Variants in COL9A1 observed in about 807,000 individuals in gnomAD.
COL9A1 encodes collagen alpha-1(IX) chain.
In COL9A1, 104 loss-of-function variants were observed where a neutral mutation model predicts 142.6. The observed-to-expected ratio is 0.73, with a 90% CI of 0.62 to 0.86. The LOEUF is 0.86. COL9A1 is among the 40% of genes least tolerant of loss of function. The pLI is 0.00. For missense variants in COL9A1, 1,210 were observed against 1,176.6 expected (o/e 1.03, Z -0.42); for synonymous variants, 466 against 396.0 (o/e 1.18, Z -2.10).
chr6:70,240,606 A>G (rs988643734), intron 32 of COL9A1, 83 bp downstream of exon 32: 4 of 808,438 alleles, frequency 4.9e-6, no homozygotes, highest in Middle Eastern at 3.6e-4. Flanking sequence ...CCAATTTTGA[A>G]CTGTGTTAGA....
intron 24 of COL9A1, 31 bp from the exon 25 acceptor site, chr6:70,254,560 AC>A (rs762182548): frequency 1.9e-6 from 3 of 1,607,102 alleles, no homozygotes; most frequent in Non-Finnish European, 2.6e-6. Flanking sequence ...ACATGATTGA[AC>A]CTGTATGAGC....
chr6:70,280,589 A>C (rs1773083138), intron 10 of COL9A1: 2 of 1,331,940 alleles, frequency 1.5e-6, no homozygotes, highest in Non-Finnish European at 2.0e-6. Context: ...AGGAGGAGGA[A>C]ATGCCAACGC....
chr6:70,287,839 C>G (rs187285326), intron 5 of COL9A1, among the ~76,000 whole-genome samples: 77 of 152,298 alleles, frequency 5.1e-4, no homozygotes, highest in African/African-American at 1.8e-3. Context: ...TCCTGGTCCT[C>G]TCCTATATTA....
In COL9A1 at chr6:70,279,867, T is replaced by C. The variant is rs1773024374; in HGVS notation, c.975+945A>G. 5 of 469,338 alleles carry C rather than the reference T, an allele frequency of 1.1e-5. No homozygotes were observed. The Admixed American group carries it at 1.3e-4, about 13-fold the overall frequency. The allele number at this position is 469,338 out of a possible 1,614,324, so 29.1% of individuals were successfully genotyped here. A position where few individuals can be genotyped will look rare whatever the true frequency, so the allele number is the denominator to read the frequency against. ...CATAATTATAGGTTTTCGAGTGCTT[T>C]CTTTCATTTAGAAAAGTCTTTAGTT... is the stretch of plus-strand genomic sequence containing the variant. On this transcript the variant is annotated intron_variant, in intron 10 of 37. Transcript: ENST00000357250.
At chr6:70,222,246 G>A (rs1768929401) in intron 37 of COL9A1, among the ~76,000 whole-genome samples, 1 of 152,154 alleles carries the variant, frequency 6.6e-6, no homozygotes. Flanking sequence ...CATATGCCAG[G>A]CACTGTTCCA....
rs535282779 is a variant in COL9A1, at chr6:70,246,897, G to A, written c.1873-4182C>T. Among the ~76,000 whole-genome samples, 18 of 152,220 alleles carry A rather than the reference G, an allele frequency of 1.2e-4. No individual in the cohort carries two copies. In the South Asian group the frequency reaches 3.1e-3, roughly 26 times the overall value. On this transcript the variant is annotated intron_variant, in intron 28 of 37. Transcript: ENST00000357250. ...CGGGCAAGCAGCTTAACCTCTCCGT[G>A]CCTGTTTCCTCATCTATAAAGTGGG...
chr6:70,253,207 G>T, intron 26 of COL9A1, 178 bp downstream of exon 26: 1 of 518,558 alleles, frequency 1.9e-6, no homozygotes, highest in Non-Finnish European at 3.5e-6. Context: ...GTCAAAGTAT[G>T]CTTTCTGTAG....
chr6:70,293,630 TTCACACACA>T (rs1773734759), intron 5 of COL9A1, among the ~76,000 whole-genome samples: 198 of 74,256 alleles, frequency 2.7e-3, no homozygotes, highest in African/African-American at 9.7e-3. Context: ...CTCTCTCTCT[TTCACACACA>T]CACACACACA....
chr6:70,241,602 G>A, intron 30 of COL9A1, 148 bp from the exon 31 acceptor site: 1 of 726,326 alleles, frequency 1.4e-6, no homozygotes, highest in Non-Finnish European at 2.4e-6. Flanking sequence ...ACAAGAATCA[G>A]GACCAAAACA....
rs1769774368 is a variant in COL9A1, at chr6:70,234,567, A to C, written c.2286T>G (p.Ile762Met). ...PPGRAPTDQH[I>M]KQVCMRVIQE... is the part of the protein sequence containing the mutation. ...GTATGACTCTCATGCAAACCTGCTT[A>C]ATGTGCTGATCTGTCGGTGCTCTAC... The change falls in exon 35 of 38, where the codon ATT (isoleucine) becomes ATG (methionine). Residue 762 changes from isoleucine to methionine, a missense_variant. Physicochemically the swap from Ile to Met is conservative, Grantham distance 10 (BLOSUM62 1). Coordinates refer to ENST00000357250, the MANE Select transcript of COL9A1 (RefSeq NM_001851.6). 3 of 1,614,098 alleles carry C rather than the reference A, an allele frequency of 1.9e-6. No individual in the cohort carries two copies. In the Middle Eastern group the frequency reaches 4.9e-4, roughly 265 times the overall value.
At chr6:70,260,442 T>A (rs1771598029) in intron 20 of COL9A1, among the ~76,000 whole-genome samples, 1 of 150,672 alleles carries the variant, frequency 6.6e-6, no homozygotes, top group Admixed American at 6.7e-5. Context: ...GCTCTACTCG[T>A]GATGCTGAGA....
chr6:70,233,693 A>G (rs1040450022), intron 35 of COL9A1, among the ~76,000 whole-genome samples: 1 of 152,242 alleles, frequency 6.6e-6, no homozygotes, highest in Non-Finnish European at 1.5e-5. Flanking sequence ...GACTTTCAGG[A>G]CAAAATGTCT....
Position 70,217,019 on chromosome 6 carries a change from C to A in COL9A1, c.2644G>T (p.Val882Leu), listed in dbSNP as rs1056923. Residue 882 changes from valine (V) to leucine (L), a missense_variant, in exon 38 of 38, where the codon GTG becomes TTG. Transcript: ENST00000357250. The part of the protein sequence containing the change: ...GRDGERGPPG[V>L]AGIPGVPGPP... ...CCAGGCACTCCAGGAATTCCTGCCA[C>A]CCCTGGGGGGCCTCGCTCACCGTCT... is the stretch of plus-strand genomic sequence containing the variant. The A allele has an allele frequency of 6.2e-7, 1 of 1,614,190 alleles. No homozygotes were observed. The highest frequency in any genetic ancestry group is 8.5e-7 in the Non-Finnish European group (1 of 1,180,034).
intron 16 of COL9A1, 61 bp downstream of exon 16, chr6:70,269,572 A>G: frequency 2.7e-6 from 3 of 1,125,430 alleles, no homozygotes; most frequent in Non-Finnish European, 4.1e-6. Context: ...AAGAAAACTC[A>G]TCTGCAGGCT....
chr6:70,276,300 T>G (rs929644349), intron 10 of COL9A1, among the ~76,000 whole-genome samples: 1 of 152,170 alleles, frequency 6.6e-6, no homozygotes, highest in Non-Finnish European at 1.5e-5. Flanking sequence ...ATGTAAATTT[T>G]ATAAACCTCT....
At chr6:70,265,991 A>G (rs1335647327) in intron 18 of COL9A1, among the ~76,000 whole-genome samples, 1 of 152,190 alleles carries the variant, frequency 6.6e-6, no homozygotes, top group Non-Finnish European at 1.5e-5. Flanking sequence ...ATTAATAAGA[A>G]CAACTTAACT....
In COL9A1 at chr6:70,260,675, A is replaced by G. The variant is rs1042855554; in HGVS notation, c.1431T>C (p.Val477=). ...AQGLRGITGI[V]GDKGEKGARG... The stretch of plus-strand genomic sequence containing the variant: ...ATCTTACTTTTTCCCCTTTGTCCCC[A>G]ACTATGCCGGTGATGCCTCGCAAAC... The change falls in exon 20 of 38, where the codon GTT becomes GTC. Residue 477 remains valine, a synonymous_variant. Coordinates refer to ENST00000357250, the MANE Select transcript of COL9A1 (RefSeq NM_001851.6). 1 of 1,613,860 alleles carries G rather than the reference A, an allele frequency of 6.2e-7. No homozygotes were observed. The highest frequency in any genetic ancestry group is 1.3e-5 in the African/African-American group (1 of 74,896).
intron 5 of COL9A1, among the ~76,000 whole-genome samples, chr6:70,287,883 G>A (rs1220764759): frequency 1.3e-5 from 2 of 152,112 alleles, no homozygotes; most frequent in Non-Finnish European, 2.9e-5. Context: ...TTTGACAAAT[G>A]TTCCTCATCT....
intron 5 of COL9A1, among the ~76,000 whole-genome samples, chr6:70,285,508 T>C (rs1269676027): frequency 6.6e-6 from 1 of 152,258 alleles, no homozygotes; most frequent in East Asian, 1.9e-4. Flanking sequence ...GAATACTCAC[T>C]GACAAAGTAT....
Sources: allele counts gnomAD v4.1 joint callset (sites outside exome capture counted in the v4.1 genomes callset), GRCh38; gene constraint gnomAD v4.1.1; transcripts MANE v1.5; gene names NCBI Gene and HGNC (gene_info 2026-07-23, HGNC 2026-07-21).